VSIG1: variants seen among roughly 807,000 people sequenced by gnomAD.
VSIG1 encodes the protein V-set and immunoglobulin domain containing 1.
Under a neutral mutation model 20.1 loss-of-function variants are expected in VSIG1, and 11 were observed. The ratio of observed to expected loss-of-function variants is 0.55; its 90% CI spans 0.34 to 0.91. VSIG1 has a LOEUF of 0.91. Ranked by LOEUF, VSIG1 falls within the 40% of genes least tolerant of loss-of-function variation. The pLI, the probability that VSIG1 is intolerant of heterozygous loss-of-function variation, is 0.02. For missense variants in VSIG1, 283 were observed against 298.8 expected (o/e 0.95, Z 0.39); for synonymous variants, 126 against 116.7 (o/e 1.08, Z -0.52).
the VSIG1 span, among the ~76,000 whole-genome samples, chrX:108,028,611 A>G: frequency 9.0e-6 from 1 of 111,096 alleles, no homozygotes; most frequent in Non-Finnish European, 1.9e-5. Flanking sequence ...AGTTGAGGGA[A>G]GCCCCATAGG....
At chrX:108,027,094 T>A in the VSIG1 span, among the ~76,000 whole-genome samples, 1 of 111,450 alleles carries the variant, frequency 9.0e-6, no homozygotes, top group Non-Finnish European at 1.9e-5. Flanking sequence ...AATGGTGCAG[T>A]CATTGTGGAA....
upstream of VSIG1, among the ~76,000 whole-genome samples, chrX:108,040,578 C>T (rs1164357136): frequency 6.3e-5 from 7 of 111,520 alleles, no homozygotes; most frequent in Admixed American, 6.7e-4. Context: ...CAATAATAAT[C>T]ACACAAGTGG....
At chrX:108,069,311 G>T (rs371614463) in intron 3 of VSIG1, among the ~76,000 whole-genome samples, 1 of 111,559 alleles carries the variant, frequency 9.0e-6, no homozygotes, top group African/African-American at 3.3e-5. Context: ...CAAGGTAAGA[G>T]GCAGAAGGGT....
rs775430056 is a variant in VSIG1, at chrX:108,078,941, C to A, written c.*1560C>A. ...TAATATTACTAAAATGCACTGATATCACTTCTTCTTCCCCTGTTGAAAAGC... is the reference window on the plus strand; with the variant it reads ...TAATATTACTAAAATGCACTGATATAACTTCTTCTTCCCCTGTTGAAAAGC... On this transcript the variant is annotated 3_prime_UTR_variant, in exon 7 of 7. Transcript: ENST00000217957. The A allele has an allele frequency of 1.8e-5, 2 of 109,857 alleles. No homozygotes were observed. The highest frequency in any genetic ancestry group is 6.6e-5 in the African/African-American group (2 of 30,149). The allele number at this position is 109,857 out of a possible 1,213,427, so 9.1% of individuals were successfully genotyped here.
chrX:108,067,346 C>T (rs192224981), intron 3 of VSIG1, among the ~76,000 whole-genome samples: 6 of 111,414 alleles, frequency 5.4e-5, no homozygotes, highest in African/African-American at 1.6e-4. Context: ...ATTGTGCAAA[C>T]GGGCTGCCAA....
Position 108,076,209 on chromosome X carries a change from C to T in VSIG1, c.821C>T (p.Ala274Val), listed in dbSNP as rs1241189147. 5 of 1,206,229 alleles carry T rather than the reference C, an allele frequency of 4.1e-6. No homozygotes were observed. Among genetic ancestry groups the T allele is most frequent in the African/African-American group, 3.5e-5 (2 of 57,155 alleles). ...KAKERNSKTI[A>V]ELEPMTKINP... ...AAAGAAAGAAATTCTAAGACCATCGCGGAACTTGAGTAAGCCTTCATTTTG... is the reference window on the plus strand; with the variant it reads ...AAAGAAAGAAATTCTAAGACCATCGTGGAACTTGAGTAAGCCTTCATTTTG... Residue 274 changes from alanine to valine, a missense_variant, in exon 6 of 7, where the codon GCG becomes GTG. By Grantham distance (64) the Ala-to-Val change is moderately conservative. Coordinates refer to ENST00000217957, the MANE Select transcript of VSIG1 (RefSeq NM_182607.5).
intron 1 of VSIG1, among the ~76,000 whole-genome samples, chrX:108,047,911 TATATATACAC>T (rs2030656799): frequency 5.3e-5 from 4 of 74,973 alleles, no homozygotes; most frequent in Non-Finnish European, 9.1e-5. Flanking sequence ...TATACACATA[TATATATACAC>T]ATATATATAT....
chrX:108,050,225 GC>G (rs778326360), intron 1 of VSIG1, among the ~76,000 whole-genome samples: 27 of 111,981 alleles, frequency 2.4e-4, no homozygotes, highest in African/African-American at 8.1e-4. Context: ...TTGTCTGACT[GC>G]TGTCATTAAG....
At chrX:108,075,765 T>C (rs1345420834) in intron 5 of VSIG1, among the ~76,000 whole-genome samples, 2 of 111,698 alleles carry the variant, frequency 1.8e-5, no homozygotes, top group Non-Finnish European at 3.8e-5. Flanking sequence ...TTCCTGCCTG[T>C]AACAGAGGCT....
chrX:108,070,396 G>A (rs1209931319), intron 3 of VSIG1, among the ~76,000 whole-genome samples: 2 of 111,351 alleles, frequency 1.8e-5, no homozygotes, highest in Non-Finnish European at 3.8e-5. Context: ...AAAATATATA[G>A]GTTTGGGACT....
the VSIG1 span, among the ~76,000 whole-genome samples, chrX:108,033,816 T>C: frequency 9.1e-6 from 1 of 110,008 alleles, no homozygotes; most frequent in Non-Finnish European, 1.9e-5. Context: ...CAGGGAAAAT[T>C]AGAAAGCTCA....
At chrX:108,068,101 C>T (rs699666) in intron 3 of VSIG1, among the ~76,000 whole-genome samples, 55,379 of 110,699 alleles carry the variant, frequency 0.5, 10,795 homozygotes, top group African/African-American at 0.69. Context: ...GGTGCATACC[C>T]AAGAGAACTG....
chrX:108,041,642 C>T (rs2030482553), upstream of VSIG1, among the ~76,000 whole-genome samples: 2 of 107,332 alleles, frequency 1.9e-5, 1 homozygote, highest in South Asian at 8.5e-4. Flanking sequence ...ACTCCTGTTC[C>T]ATGTGAGCCT....
chrX:108,047,821 C>CATATATATACACATATATATAT (rs2030630384), intron 1 of VSIG1, among the ~76,000 whole-genome samples: 2 of 43,902 alleles, frequency 4.6e-5, no homozygotes, highest in Admixed American at 2.4e-4. Context: ...TATATATATA[C>CATATATATACACATATATATAT]ATATATATAC....
chrX:108,047,807 TACATATATATATACATATATATAC>T (rs2030627422), intron 1 of VSIG1, among the ~76,000 whole-genome samples: 3 of 50,843 alleles, frequency 5.9e-5, no homozygotes, highest in Non-Finnish European at 1.1e-4. Flanking sequence ...TATATATATA[TACATATATATATACATATATATAC>T]ACATATATAT....
upstream of VSIG1, among the ~76,000 whole-genome samples, chrX:108,041,229 T>C (rs1410245586): frequency 9.1e-6 from 1 of 109,707 alleles, no homozygotes; most frequent in East Asian, 2.8e-4. Flanking sequence ...CACAGCACTT[T>C]TGAGCCTCAG....
At chrX:108,030,894 A>G in the VSIG1 span, among the ~76,000 whole-genome samples, 1 of 112,084 alleles carries the variant, frequency 8.9e-6, no homozygotes, top group Non-Finnish European at 1.9e-5. Flanking sequence ...GAGACATAGG[A>G]AGGAAAAAAA....
rs760264684 is a variant in VSIG1, at chrX:108,072,975, T to C, written c.568+143T>C. ...GCGGGTGGAGGGGGGCGGCTGGTAA[T>C]GTAAAAAGAATGCCTGTCTCCCAAC... is the stretch of plus-strand genomic sequence containing the variant. On this transcript the variant is annotated intron_variant, in intron 4 of 6. Transcript: ENST00000217957. The C allele has an allele frequency of 1.2e-4, 82 of 662,291 alleles. 1 individual carries two copies. In the South Asian group the frequency reaches 2.3e-3, roughly 18 times the overall value. The allele number at this position is 662,291 out of a possible 1,213,427, so 54.6% of individuals were successfully genotyped here. A position where few individuals can be genotyped will look rare whatever the true frequency, so the allele number is the denominator to read the frequency against.
At chrX:108,071,302 A>G (rs1168326572) in intron 3 of VSIG1, among the ~76,000 whole-genome samples, 1 of 111,823 alleles carries the variant, frequency 8.9e-6, no homozygotes, top group East Asian at 2.8e-4. Context: ...GTTGGAAAGT[A>G]TAGAAATTTA....
Sources: allele counts gnomAD v4.1 joint callset (sites outside exome capture counted in the v4.1 genomes callset), GRCh38; gene constraint gnomAD v4.1.1; transcripts MANE v1.5; gene names NCBI Gene and HGNC (gene_info 2026-07-23, HGNC 2026-07-21).